ARB2A: variants seen among roughly 807,000 people sequenced by gnomAD.
ARB2A encodes cotranscriptional regulator ARB2A.
chr5:93,934,086 T>C, the ARB2A span, among the ~76,000 whole-genome samples: 1 of 152,136 alleles, frequency 6.6e-6, no homozygotes, highest in East Asian at 1.9e-4. Context: ...AACTATAAAA[T>C]TCCTAGGAAG....
At chr5:93,949,626 A>G in the ARB2A span, among the ~76,000 whole-genome samples, 4 of 152,160 alleles carry the variant, frequency 2.6e-5, no homozygotes, top group East Asian at 7.7e-4. Context: ...CATCACCTCA[A>G]GCATTTATCC....
the ARB2A span, among the ~76,000 whole-genome samples, chr5:93,883,912 TACACATACACATAC>T: frequency 3.9e-5 from 3 of 77,610 alleles, no homozygotes; most frequent in Non-Finnish European, 8.2e-5. Context: ...CATACACACA[TACACATACACATAC>T]ACACACACAC....
chr5:94,025,368 C>T, the ARB2A span, among the ~76,000 whole-genome samples: 27 of 152,326 alleles, frequency 1.8e-4, no homozygotes, highest in African/African-American at 4.8e-4. Flanking sequence ...AGTGTATGCA[C>T]ACATATAGAC....
the ARB2A span, among the ~76,000 whole-genome samples, chr5:93,833,907 G>C: frequency 6.6e-6 from 1 of 152,202 alleles, no homozygotes; most frequent in Non-Finnish European, 1.5e-5. Context: ...ATAGTGCTGA[G>C]GTTTGAGATA....
At chr5:93,794,796 C>T in the ARB2A span, among the ~76,000 whole-genome samples, 2 of 152,038 alleles carry the variant, frequency 1.3e-5, no homozygotes, top group African/African-American at 4.8e-5. Flanking sequence ...TGGATACCAG[C>T]ACCTAGTCTG....
At chr5:93,867,774 A>C in the ARB2A span, among the ~76,000 whole-genome samples, 1 of 152,148 alleles carries the variant, frequency 6.6e-6, no homozygotes, top group African/African-American at 2.4e-5. Context: ...ACTAATATTC[A>C]AGGGTAATTT....
chr5:93,652,235 A>G, the ARB2A span, among the ~76,000 whole-genome samples: 1 of 152,166 alleles, frequency 6.6e-6, no homozygotes, highest in Non-Finnish European at 1.5e-5. Flanking sequence ...TTAGTCTTCA[A>G]TTTTCTCCTG....
At chr5:93,979,010 C>T in the ARB2A span, among the ~76,000 whole-genome samples, 1 of 151,978 alleles carries the variant, frequency 6.6e-6, no homozygotes, top group Non-Finnish European at 1.5e-5. Context: ...GAAGAGAGTA[C>T]TTAAAATGTT....
the ARB2A span, among the ~76,000 whole-genome samples, chr5:93,981,774 T>C: frequency 3.0e-4 from 46 of 152,282 alleles, no homozygotes; most frequent in African/African-American, 8.7e-4. Flanking sequence ...AGTGTTTATA[T>C]GTAAAAATAC....
chr5:93,622,909 G>T, the ARB2A span, among the ~76,000 whole-genome samples: 1 of 152,066 alleles, frequency 6.6e-6, no homozygotes, highest in Non-Finnish European at 1.5e-5. Context: ...ATAACATCTA[G>T]ATATTATTAT....
the ARB2A span, among the ~76,000 whole-genome samples, chr5:93,973,865 A>T: frequency 1.3e-5 from 2 of 152,306 alleles, no homozygotes; most frequent in Admixed American, 1.3e-4. Context: ...AGCAATCGCT[A>T]AAGGAACTGA....
At chr5:93,920,510 C>T in the ARB2A span, among the ~76,000 whole-genome samples, 1 of 152,002 alleles carries the variant, frequency 6.6e-6, no homozygotes, top group Non-Finnish European at 1.5e-5. Flanking sequence ...AGAAAACTTA[C>T]AGATGAATTG....
the ARB2A span, among the ~76,000 whole-genome samples, chr5:93,988,489 G>A: frequency 2.6e-5 from 4 of 152,060 alleles, no homozygotes; most frequent in Admixed American, 6.6e-5. Flanking sequence ...CTTTGCTTAC[G>A]TTAACATCTC....
chr5:93,744,862 A>C, the ARB2A span, among the ~76,000 whole-genome samples: 1 of 152,334 alleles, frequency 6.6e-6, no homozygotes, highest in African/African-American at 2.4e-5. Flanking sequence ...GGCCAGTCTT[A>C]TCCATGGGGA....
chr5:93,904,510 G>T, the ARB2A span, among the ~76,000 whole-genome samples: 1 of 151,684 alleles, frequency 6.6e-6, no homozygotes, highest in African/African-American at 2.4e-5. Context: ...ACAATTAAAT[G>T]AGATTGCTTA....
At chr5:93,937,952 AT>A in the ARB2A span, among the ~76,000 whole-genome samples, 19 of 152,010 alleles carry the variant, frequency 1.2e-4, no homozygotes, top group African/African-American at 3.1e-4. Flanking sequence ...ATTTAAAAAA[AT>A]TTTTTTTTGA....
chr5:93,861,907 T>A, the ARB2A span: 1 of 152,186 alleles, frequency 6.6e-6, no homozygotes, highest in African/African-American at 2.4e-5. Context: ...TATCACTGGA[T>A]TTATAATATA....
At chr5:93,849,653 G>A in the ARB2A span, among the ~76,000 whole-genome samples, 20 of 152,070 alleles carry the variant, frequency 1.3e-4, 1 homozygote, top group Admixed American at 1.3e-3. Flanking sequence ...GGTGAATCCA[G>A]TAATAGATCA....
the ARB2A span, among the ~76,000 whole-genome samples, chr5:93,875,105 T>C: frequency 1.3e-5 from 2 of 152,192 alleles, no homozygotes; most frequent in Non-Finnish European, 2.9e-5. Flanking sequence ...TATAGCCATA[T>C]GCTAAGGCAC....
Sources: allele counts gnomAD v4.1 joint callset (sites outside exome capture counted in the v4.1 genomes callset), GRCh38; gene constraint gnomAD v4.1.1; transcripts MANE v1.5; gene names NCBI Gene and HGNC (gene_info 2026-07-23, HGNC 2026-07-21).